The following SLC39A12 variants were observed in gnomAD, a reference collection of about 807,000 sequenced individuals.
SLC39A12 encodes the protein zinc transporter ZIP12.
Under a neutral mutation model 71.1 loss-of-function variants are expected in SLC39A12, and 63 were observed. The observed-to-expected ratio is 0.89, with a 90% CI of 0.72 to 1.09. The LOEUF (loss-of-function observed/expected upper bound fraction) is 1.09. Among genes scored for constraint, SLC39A12 ranks in the 50% least tolerant of loss-of-function variants. The pLI, the probability that SLC39A12 is intolerant of heterozygous loss-of-function variation, is 0.00. For missense variants in SLC39A12, 892 were observed against 812.6 expected (o/e 1.10, Z -1.19); for synonymous variants, 351 against 301.3 (o/e 1.16, Z -1.71).
intron 12 of SLC39A12, among the ~76,000 whole-genome samples, chr10:18,031,227 A>T (rs1165164417): frequency 1.4e-5 from 2 of 146,698 alleles, no homozygotes; most frequent in African/African-American, 5.0e-5. Context: ...CGCCACACTG[A>T]CTTCCACAAT....
chr10:18,036,781 TATATA>T (rs1837051929), intron 12 of SLC39A12, among the ~76,000 whole-genome samples: 6 of 14,180 alleles, frequency 4.2e-4, no homozygotes, highest in African/African-American at 7.4e-4. Context: ...TATATATATA[TATATA>T]TATATATATT....
chr10:17,980,297 C>T (rs1835218534), intron 5 of SLC39A12, among the ~76,000 whole-genome samples: 1 of 152,056 alleles, frequency 6.6e-6, no homozygotes. Flanking sequence ...CAAACAGCAA[C>T]TATGTCATCA....
chr10:18,015,985 A>C (rs1028922227), intron 12 of SLC39A12, among the ~76,000 whole-genome samples: 2 of 152,110 alleles, frequency 1.3e-5, no homozygotes, highest in Non-Finnish European at 2.9e-5. Context: ...CCACCCCGCT[A>C]TTGACATCCT....
chr10:18,033,387 A>G (rs1824869702), intron 12 of SLC39A12, among the ~76,000 whole-genome samples: 2 of 148,782 alleles, frequency 1.3e-5, no homozygotes, highest in Admixed American at 1.3e-4. Context: ...GGGAGGGTGT[A>G]TGTGTCGAGG....
intron 12 of SLC39A12, among the ~76,000 whole-genome samples, chr10:18,041,890 T>C (rs553746082): frequency 1.4e-5 from 2 of 146,136 alleles, no homozygotes; most frequent in South Asian, 4.3e-4. Flanking sequence ...TATACACACA[T>C]ATATGTATAT....
At chr10:17,996,129 G>A (rs879616349) in intron 10 of SLC39A12, among the ~76,000 whole-genome samples, 4 of 152,120 alleles carry the variant, frequency 2.6e-5, no homozygotes, top group Non-Finnish European at 2.9e-5. Flanking sequence ...CATCACAAAT[G>A]CGTCTTATTT....
chr10:17,995,413 A>G (rs1449123748), intron 9 of SLC39A12, among the ~76,000 whole-genome samples: 1 of 152,212 alleles, frequency 6.6e-6, no homozygotes, highest in East Asian at 1.9e-4. Flanking sequence ...TCAGCTCTCT[A>G]TGGAAGATTC....
intron 12 of SLC39A12, among the ~76,000 whole-genome samples, chr10:18,033,752 A>G (rs1397108947): frequency 3.3e-4 from 47 of 142,832 alleles, no homozygotes; most frequent in African/African-American, 1.1e-3. Flanking sequence ...TAGGGTGTCA[A>G]TTTTGGATCT....
chr10:17,993,315 C>G, intron 9 of SLC39A12, 24 bp downstream of exon 9: 1 of 1,404,852 alleles, frequency 7.1e-7, no homozygotes. Flanking sequence ...CTGAAGCATT[C>G]TACTGATCTG....
At chr10:18,010,741 C>T (rs1291059573) in intron 12 of SLC39A12, among the ~76,000 whole-genome samples, 5 of 152,162 alleles carry the variant, frequency 3.3e-5, no homozygotes, top group Non-Finnish European at 7.4e-5. Context: ...CATACACACA[C>T]ATACACACAG....
intron 4 of SLC39A12, among the ~76,000 whole-genome samples, chr10:17,966,900 G>A (rs1164054329): frequency 6.6e-6 from 1 of 152,032 alleles, no homozygotes; most frequent in African/African-American, 2.4e-5. Context: ...CTTGAACCCA[G>A]GAGGCAGAGG....
chr10:17,992,740 C>G (rs1197160524), intron 8 of SLC39A12, among the ~76,000 whole-genome samples: 1 of 152,084 alleles, frequency 6.6e-6, no homozygotes, highest in Admixed American at 6.6e-5. Context: ...TGTCAGGGAA[C>G]TTAAAATGAG....
Position 17,991,140 on chromosome 10 carries a change from T to TTTC in SLC39A12, c.1270-10_1270-9insTCT. 1 of 1,534,118 alleles carries TTTC rather than the reference T, an allele frequency of 6.5e-7. No homozygotes were observed. Among genetic ancestry groups the TTTC allele is most frequent in the Non-Finnish European group, 8.7e-7 (1 of 1,152,342 alleles). On this transcript the variant is annotated splice_polypyrimidine_tract_variant and intron_variant, in intron 7 of 12. Coordinates refer to ENST00000377369, the MANE Select transcript of SLC39A12 (RefSeq NM_001145195.2). ...TTCTCTCTGCCTTTTTTTTTTTTTTTTCCCCTGAAGGTTCTTGGTTTACAT... is the reference window on the plus strand; with the variant it reads ...TTCTCTCTGCCTTTTTTTTTTTTTTTTTCTCCCCTGAAGGTTCTTGGTTTACAT...
intron 4 of SLC39A12, among the ~76,000 whole-genome samples, chr10:17,970,674 TTG>T (rs61528284): frequency 0.1 from 14,979 of 145,206 alleles, 766 homozygotes; most frequent in East Asian, 0.14. Flanking sequence ...TTCTAATAGT[TTG>T]TGTGTGTGTG....
intron 12 of SLC39A12, among the ~76,000 whole-genome samples, chr10:18,006,349 T>C (rs1043400419): frequency 1.3e-5 from 2 of 152,210 alleles, no homozygotes; most frequent in Non-Finnish European, 2.9e-5. Context: ...AATTGGCTTA[T>C]TCAAGTATAC....
At chr10:17,976,892 A>G (rs1200212386) in intron 4 of SLC39A12, among the ~76,000 whole-genome samples, 1 of 152,068 alleles carries the variant, frequency 6.6e-6, no homozygotes, top group Non-Finnish European at 1.5e-5. Context: ...TATTTTTTCT[A>G]ATCCTTTCTC....
At chr10:18,041,549 C>T (rs1006425743) in intron 12 of SLC39A12, among the ~76,000 whole-genome samples, 1 of 142,072 alleles carries the variant, frequency 7.0e-6, no homozygotes, top group Admixed American at 7.4e-5. Flanking sequence ...CACACACACA[C>T]ACACACACGC....
intron 2 of SLC39A12, 36 bp downstream of exon 2, chr10:17,953,573 T>C: frequency 6.2e-7 from 1 of 1,601,542 alleles, no homozygotes. Flanking sequence ...TATCAGGGCA[T>C]GTCCAAAAGA....
chr10:18,037,098 A>G (rs1462219350), intron 12 of SLC39A12, among the ~76,000 whole-genome samples: 2 of 151,936 alleles, frequency 1.3e-5, no homozygotes, highest in Non-Finnish European at 2.9e-5. Flanking sequence ...AAAAATTGCT[A>G]TAGATTATAC....
Sources: gnomAD v4.1 joint callset for allele counts (sites outside exome capture counted in the v4.1 genomes callset) on GRCh38, gnomAD v4.1.1 for gene constraint, MANE v1.5 for transcripts, NCBI Gene and HGNC (gene_info 2026-07-23, HGNC 2026-07-21) for gene names.